Variants in BAIAP2 observed in about 807,000 individuals in gnomAD.
BAIAP2 encodes the protein BAR/IMD domain-containing adapter protein 2.
In BAIAP2, 18 loss-of-function variants were observed where a neutral mutation model predicts 63.0. The observed-to-expected ratio is 0.29, with a 90% confidence interval of 0.20 to 0.42. The LOEUF (loss-of-function observed/expected upper bound fraction) is 0.42, where lower values mean the gene tolerates loss of function less well. BAIAP2 is among the 10% of genes least tolerant of loss of function. The pLI, the probability that BAIAP2 is intolerant of heterozygous loss-of-function variation, is 1.00. For synonymous variants in BAIAP2, 386 were observed against 307.6 expected, an observed-to-expected ratio of 1.25 and a Z score of -2.67; for missense variants, 610 against 734.3, an observed-to-expected ratio of 0.83 and a Z score of 1.96.
rs141299981 is a variant in BAIAP2 at position 81,106,084 on chromosome 17, C to T, written c.1275C>T (p.Gly425=). ...YGESEKTKMR[G]WFPFSYTRVL... is the part of the protein sequence containing the mutation. Reference sequence around the variant, plus strand: ...CCTGGGGCCTCTCTTCCAGGCGGGGCTGGTTTCCCTTCTCCTACACCCGGG... The same window carrying T: ...CCTGGGGCCTCTCTTCCAGGCGGGGTTGGTTTCCCTTCTCCTACACCCGGG... The change falls in exon 11 of 14, where the codon GGC becomes GGT. Residue 425 remains glycine (G), a synonymous_variant. Transcript: ENST00000428708. 1.6e-5 allele frequency: 25 copies of T among 1,576,684 alleles called. No homozygotes were observed. The highest frequency in any genetic ancestry group is 2.7e-5 in the African/African-American group (2 of 74,382).
intron 1 of BAIAP2, among the ~76,000 whole-genome samples, chr17:81,048,791 A>C (rs1386424036): frequency 6.6e-6 from 1 of 152,074 alleles, no homozygotes; most frequent in Non-Finnish European, 1.5e-5. Context: ...CCTGGATTCC[A>C]TGCGACTCCA....
At chr17:81,084,019 G>A (rs958630903) in intron 3 of BAIAP2, 3 of 152,252 alleles carry the variant, frequency 2.0e-5, no homozygotes, top group African/African-American at 7.2e-5. Context: ...AGGTGGACTT[G>A]AGCCGGGTCT....
chr17:81,042,963 A>G (rs2047294873), intron 1 of BAIAP2, among the ~76,000 whole-genome samples: 1 of 152,066 alleles, frequency 6.6e-6, no homozygotes, highest in Non-Finnish European at 1.5e-5. Flanking sequence ...GGCTTACTGC[A>G]GCCTCTGCCT....
intron 7 of BAIAP2, among the ~76,000 whole-genome samples, chr17:81,102,302 C>T (rs907404807): frequency 6.6e-6 from 1 of 152,186 alleles, no homozygotes; most frequent in East Asian, 1.9e-4. Flanking sequence ...TGTGTCAGGG[C>T]CGTGCCGCTG....
At chr17:81,089,434 G>A (rs2056324613) in intron 6 of BAIAP2, among the ~76,000 whole-genome samples, 2 of 152,224 alleles carry the variant, frequency 1.3e-5, no homozygotes, top group Admixed American at 1.3e-4. Flanking sequence ...GCAAGGGGCC[G>A]CTGCTGGGTG....
At chr17:81,115,669 C>T (rs953942259) in intron 13 of BAIAP2, 101 bp from the exon 14 acceptor site, 2 of 1,374,326 alleles carry the variant, frequency 1.5e-6, no homozygotes, top group Admixed American at 1.8e-5. Flanking sequence ...GGACCGTAGG[C>T]ATCCAGCACT....
chr17:81,078,798 C>T (rs1048319705), intron 3 of BAIAP2, among the ~76,000 whole-genome samples: 1 of 152,098 alleles, frequency 6.6e-6, no homozygotes, highest in African/African-American at 2.4e-5. Context: ...TCCAGGCTGG[C>T]AGCAGATCTT....
At chr17:81,041,216 C>T (rs1245394765) in intron 1 of BAIAP2, among the ~76,000 whole-genome samples, 1 of 152,226 alleles carries the variant, frequency 6.6e-6, no homozygotes, top group Non-Finnish European at 1.5e-5. Flanking sequence ...CTGGCCAGTC[C>T]CCTGGCCATA....
intron 3 of BAIAP2, among the ~76,000 whole-genome samples, chr17:81,065,117 C>G (rs1598601598): frequency 6.6e-6 from 1 of 152,228 alleles, no homozygotes; most frequent in East Asian, 1.9e-4. Flanking sequence ...GCTCCTCATC[C>G]TCTTGGGCTT....
In BAIAP2 at chr17:81,112,513, G is replaced by GT. The variant is rs1429760133; in HGVS notation, c.1536-3256dup. Among the ~76,000 whole-genome samples, 3 of 152,366 alleles carry GT rather than the reference G, an allele frequency of 2.0e-5. No homozygotes were observed. The East Asian group carries it at 5.8e-4, about 29-fold the overall frequency. On this transcript the variant is annotated intron_variant, in intron 13 of 13. Coordinates refer to ENST00000428708, the MANE Select transcript of BAIAP2 (RefSeq NM_001144888.2). ...CTGGGAAGGGGGCCTTGGAATGAGAGTGGAGGGGCGAGCGTCCCTGGCCGC... is the reference window on the plus strand; with the variant it reads ...CTGGGAAGGGGGCCTTGGAATGAGAGTTGGAGGGGCGAGCGTCCCTGGCCGC...
chr17:81,086,263 C>CT (rs1221293019), intron 5 of BAIAP2, among the ~76,000 whole-genome samples, 180 bp from the exon 6 acceptor site: 1 of 152,104 alleles, frequency 6.6e-6, no homozygotes, highest in Non-Finnish European at 1.5e-5. Context: ...CATTTGGGCT[C>CT]TCCCCAACTC....
chr17:81,035,983 T>A (rs1223547639), intron 1 of BAIAP2: 2 of 152,226 alleles, frequency 1.3e-5, no homozygotes, highest in Non-Finnish European at 2.9e-5. Flanking sequence ...ACTAATTGTG[T>A]AGGAGGCTGA....
chr17:81,060,896 GTGGAT>G (rs2050430704), intron 3 of BAIAP2, among the ~76,000 whole-genome samples: 1 of 152,224 alleles, frequency 6.6e-6, no homozygotes, highest in Non-Finnish European at 1.5e-5. Context: ...GCTGAGGCAG[GTGGAT>G]TGCCTGAGGT....
chr17:81,047,905 TG>T (rs1450711203), intron 1 of BAIAP2, among the ~76,000 whole-genome samples: 1 of 152,250 alleles, frequency 6.6e-6, no homozygotes, highest in Non-Finnish European at 1.5e-5. Context: ...TGTGCATGCA[TG>T]GGTCCATATG....
chr17:81,102,159 A>C (rs1303906537), intron 7 of BAIAP2, among the ~76,000 whole-genome samples: 1 of 107,192 alleles, frequency 9.3e-6, no homozygotes, highest in African/African-American at 3.5e-5. Flanking sequence ...ACCCACTTAG[A>C]GACGAGCCTC....
At chr17:81,056,946 G>GCGTTTTTCTGCTGTTGCGTT (rs2049687894) in intron 2 of BAIAP2, among the ~76,000 whole-genome samples, 2 of 152,332 alleles carry the variant, frequency 1.3e-5, no homozygotes, top group East Asian at 1.9e-4. Context: ...TTTTTCTTTT[G>GCGTTTTTCTGCTGTTGCGTT]TTCGAGGCAG....
rs767216738 is a variant in BAIAP2 at position 81,103,642 on chromosome 17, C to T, written c.783C>T (p.Ser261=). Residue 261 remains serine (S), a synonymous_variant, in exon 8 of 14, where the codon TCC becomes TCT. Transcript: ENST00000428708. Reference sequence around the variant, plus strand: ...CCCTCCCCAGCGCCCTGTCGGCCTCCAAGTCCAACCTGGTCATTTCCGACC... The same window carrying T: ...CCCTCCCCAGCGCCCTGTCGGCCTCTAAGTCCAACCTGGTCATTTCCGACC... ...GATLPSALSA[S]KSNLVISDPI... The T allele has an allele frequency of 5.6e-6, 9 of 1,605,072 alleles. No individual in the cohort carries two copies. Among genetic ancestry groups the T allele is most frequent in the Non-Finnish European group, 6.8e-6 (8 of 1,177,984 alleles).
intron 7 of BAIAP2, among the ~76,000 whole-genome samples, chr17:81,102,658 T>C (rs2058653524): frequency 6.6e-6 from 1 of 152,188 alleles, no homozygotes. Flanking sequence ...TTGCTCAGAA[T>C]GGCTGTCGTC....
At chr17:81,063,394 C>G (rs145062236) in intron 3 of BAIAP2, among the ~76,000 whole-genome samples, 1 of 152,348 alleles carries the variant, frequency 6.6e-6, no homozygotes, top group East Asian at 1.9e-4. Context: ...TAGAATATTC[C>G]ATAAACGTGT....
Sources: gnomAD v4.1 joint callset for allele counts (sites outside exome capture counted in the v4.1 genomes callset) on GRCh38, gnomAD v4.1.1 for gene constraint, MANE v1.5 for transcripts, NCBI Gene and HGNC (gene_info 2026-07-23, HGNC 2026-07-21) for gene names.